AP2B1: variants seen among roughly 807,000 people sequenced by gnomAD.
AP2B1 encodes AP-2 complex subunit beta.
In AP2B1, 23 loss-of-function variants were observed where a neutral mutation model predicts 102.0. The ratio of observed to expected loss-of-function variants is 0.23; its 90% confidence interval spans 0.16 to 0.32. AP2B1 has a LOEUF of 0.32. Ranked by LOEUF, AP2B1 falls within the 10% of genes least tolerant of loss-of-function variation. The pLI, the probability that AP2B1 is intolerant of heterozygous loss-of-function variation, is 1.00. For synonymous variants in AP2B1, 381 were observed against 421.2 expected (o/e 0.90, Z 1.17); for missense variants, 541 against 1,157.4 (o/e 0.47, Z 7.73).
At chr17:35,667,677 A>G (rs908879115) in intron 14 of AP2B1, among the ~76,000 whole-genome samples, 10 of 152,162 alleles carry the variant, frequency 6.6e-5, no homozygotes, top group African/African-American at 2.2e-4. Flanking sequence ...CTCTTTTCTC[A>G]ATGCCTTTTA....
rs1254967077 is a variant in AP2B1 at position 35,624,554 on chromosome 17, A to G, written c.683A>G (p.Asn228Ser). The G allele has an allele frequency of 6.2e-7, 1 of 1,613,986 alleles. No homozygotes were observed. Among genetic ancestry groups the G allele is most frequent in the Non-Finnish European group, 8.5e-7 (1 of 1,179,988 alleles). Residue 228 changes from asparagine (N) to serine (S), a missense_variant, in exon 6 of 22, where the codon AAT (asparagine) becomes AGT (serine). Transcript: ENST00000610402. The stretch of plus-strand genomic sequence containing the variant: ...ATTTTCATCCTGGACTGCCTGTCTA[A>G]TTACAACCCTAAAGATGATCGGGAG... ...GQIFILDCLS[N>S]YNPKDDREAQ...
chr17:35,681,320 CT>C, intron 17 of AP2B1, among the ~76,000 whole-genome samples: 1 of 152,284 alleles, frequency 6.6e-6, no homozygotes, highest in African/African-American at 2.4e-5. Context: ...AAATAATCCT[CT>C]GGACTTATCA....
chr17:35,700,633 A>G (rs1212641403), intron 18 of AP2B1, among the ~76,000 whole-genome samples: 1 of 152,084 alleles, frequency 6.6e-6, no homozygotes, highest in Non-Finnish European at 1.5e-5. Context: ...AGTTCATGTT[A>G]TACCTTTTTA....
Position 35,657,605 on chromosome 17 carries a change from T to C in AP2B1, c.1803T>C (p.Asp601=), listed in dbSNP as rs774080002. The change falls in exon 14 of 22, where the codon GAT becomes GAC. Residue 601 remains aspartate, a synonymous_variant. Transcript: ENST00000610402. ...TATGTGTATGTGACTTTAGCACTGA[T>C]GCAGGTGACAGCCCTGTTGGCACTA... The part of the protein sequence containing the change: ...KHLPIHHGST[D]AGDSPVGTTT... 1 of 1,613,038 alleles carries C rather than the reference T, an allele frequency of 6.2e-7. No individual in the cohort carries two copies. Among genetic ancestry groups the C allele is most frequent in the African/African-American group, 1.3e-5 (1 of 75,038 alleles).
At chr17:35,646,574 C>CAT (rs997672443) in intron 12 of AP2B1, among the ~76,000 whole-genome samples, 16 of 149,894 alleles carry the variant, frequency 1.1e-4, no homozygotes, top group African/African-American at 3.9e-4. Context: ...AAATTTTTTT[C>CAT]ATATATATAT....
At chr17:35,715,958 C>T (rs226435) in intron 20 of AP2B1, among the ~76,000 whole-genome samples, 8,505 of 152,208 alleles carry the variant, frequency 0.056, 387 homozygotes, top group East Asian at 0.14. Context: ...ACCTGCAAAA[C>T]TAGTTCACGT....
intron 13 of AP2B1, among the ~76,000 whole-genome samples, chr17:35,651,840 A>G (rs1176371136): frequency 2.0e-5 from 3 of 152,198 alleles, no homozygotes; most frequent in Non-Finnish European, 4.4e-5. Context: ...ATTAGTCTTT[A>G]TAGTAAGTTA....
At chr17:35,603,483 G>A (rs1474037593) in intron 3 of AP2B1, among the ~76,000 whole-genome samples, 1 of 152,104 alleles carries the variant, frequency 6.6e-6, no homozygotes, top group East Asian at 1.9e-4. Context: ...GAAATAACTA[G>A]AACTTAGGAA....
intron 12 of AP2B1, among the ~76,000 whole-genome samples, chr17:35,650,302 C>T (rs980372320): frequency 2.0e-5 from 3 of 152,046 alleles, no homozygotes; most frequent in Non-Finnish European, 2.9e-5. Flanking sequence ...GCCACGTTGC[C>T]CAGGCTGATC....
At chr17:35,691,552 T>C (rs1222431283) in intron 18 of AP2B1, among the ~76,000 whole-genome samples, 1 of 152,122 alleles carries the variant, frequency 6.6e-6, no homozygotes, top group Non-Finnish European at 1.5e-5. Flanking sequence ...TCTTCCAAGA[T>C]CCACAATTGA....
intron 5 of AP2B1, among the ~76,000 whole-genome samples, chr17:35,610,060 T>G (rs2073810298): frequency 1.3e-5 from 2 of 152,204 alleles, no homozygotes; most frequent in African/African-American, 4.8e-5. Context: ...TAACCATGAC[T>G]TCTGACAGAG....
intron 13 of AP2B1, among the ~76,000 whole-genome samples, chr17:35,656,757 C>T (rs1178587642): frequency 1.3e-5 from 2 of 151,988 alleles, no homozygotes; most frequent in Non-Finnish European, 2.9e-5. Context: ...CGGTGGTGGG[C>T]GCCTGTAGTC....
At chr17:35,690,215 A>G (rs781618621) in intron 18 of AP2B1, among the ~76,000 whole-genome samples, 19 of 152,234 alleles carry the variant, frequency 1.2e-4, no homozygotes, top group Admixed American at 5.2e-4. Context: ...TCTATAGGCA[A>G]CAACCTTCTG....
rs587662718 is a variant in AP2B1 at position 35,718,132 on chromosome 17, T to C, written c.2781+783T>C. ...TCTATTTATTTCTGAGGAAGCTGAATAGTCAGTAGCTTAAGGGAGCCTTTT... is the reference window on the plus strand; with the variant it reads ...TCTATTTATTTCTGAGGAAGCTGAACAGTCAGTAGCTTAAGGGAGCCTTTT... On this transcript the variant is annotated intron_variant, in intron 21 of 21. Coordinates refer to ENST00000610402, the MANE Select transcript of AP2B1 (RefSeq NM_001030006.2). Among the ~76,000 whole-genome samples the C allele has an allele frequency of 7.2e-5, 11 of 152,298 alleles. No homozygotes were observed. In the South Asian group the frequency reaches 1.9e-3, roughly 26 times the overall value.
At chr17:35,597,147 A>G (rs112789970) in intron 2 of AP2B1, 15,198 of 484,126 alleles carry the variant, frequency 0.031, 305 homozygotes, top group South Asian at 0.055. Flanking sequence ...CACTGTTTCT[A>G]TGCTGGTAAA....
chr17:35,627,245 CTTTTTTTT>C (rs569701571), intron 7 of AP2B1, 132 bp from the exon 8 acceptor site: 81 of 178,342 alleles, frequency 4.5e-4, no homozygotes, highest in Middle Eastern at 2.9e-3. Context: ...GAAGTTTATG[CTTTTTTTT>C]TTTTTTTTTT....
intron 5 of AP2B1, among the ~76,000 whole-genome samples, chr17:35,611,939 A>G (rs1263691887): frequency 1.3e-5 from 2 of 152,222 alleles, no homozygotes; most frequent in Non-Finnish European, 2.9e-5. Flanking sequence ...TTTTACTACA[A>G]CAAATCAAAA....
intron 13 of AP2B1, among the ~76,000 whole-genome samples, chr17:35,656,621 T>C (rs913980665): frequency 2.5e-4 from 38 of 152,194 alleles, no homozygotes; most frequent in South Asian, 4.2e-4. Context: ...CTTGGCCGGG[T>C]GCGGTGGCTC....
In AP2B1 at chr17:35,626,640, C is replaced by G; in HGVS notation, c.736C>G (p.Pro246Ala). 1 of 1,612,614 alleles carries G rather than the reference C, an allele frequency of 6.2e-7. No individual in the cohort carries two copies. The highest frequency in any genetic ancestry group is 8.5e-7 in the Non-Finnish European group (1 of 1,179,420). Reference sequence around the variant, plus strand: ...CCTCAGCATCTGTGAGCGGGTAACTCCCCGGCTATCCCATGCCAACTCAGC... The same window carrying G: ...CCTCAGCATCTGTGAGCGGGTAACTGCCCGGCTATCCCATGCCAACTCAGC... The part of the protein sequence containing the change: ...EAQSICERVT[P>A]RLSHANSAVV... Residue 246 changes from proline (P) to alanine (A), a missense_variant, in exon 7 of 22, where the codon CCC becomes GCC. By Grantham distance (27) the Pro-to-Ala change is conservative (BLOSUM62 -1). Coordinates refer to ENST00000610402, the MANE Select transcript of AP2B1 (RefSeq NM_001030006.2).
Sources: gnomAD v4.1 joint callset for allele counts (sites outside exome capture counted in the v4.1 genomes callset) on GRCh38, gnomAD v4.1.1 for gene constraint, MANE v1.5 for transcripts, NCBI Gene and HGNC (gene_info 2026-07-23, HGNC 2026-07-21) for gene names.